PRTG: variants seen among roughly 807,000 people sequenced by gnomAD.
PRTG encodes protogenin, also known as immunoglobulin superfamily, DCC subclass, member 5.
Under a neutral mutation model 122.5 loss-of-function variants are expected in PRTG, and 67 were observed. The observed-to-expected ratio is 0.55, with a 90% CI of 0.45 to 0.67. The LOEUF (loss-of-function observed/expected upper bound fraction) is 0.67. Among genes scored for constraint, PRTG ranks in the 30% least tolerant of loss-of-function variants. PRTG has a pLI of 0.00. For missense variants in PRTG, 1,435 were observed against 1,415.4 expected (o/e 1.01, Z -0.22); for synonymous variants, 554 against 501.1 (o/e 1.11, Z -1.41).
At chr15:55,741,050 A>G (rs1567123378) in intron 1 of PRTG, among the ~76,000 whole-genome samples, 1 of 152,242 alleles carries the variant, frequency 6.6e-6, no homozygotes, top group African/African-American at 2.4e-5. Context: ...AAGTCGTAAA[A>G]GTCTAATTTT....
In PRTG at chr15:55,673,556, A is replaced by T. The variant is rs376260144; in HGVS notation, c.1667T>A (p.Phe556Tyr). Reference protein sequence around the residue: ...RGQVVLYRLSFRLSTENSIQV... With the variant: ...RGQVVLYRLSYRLSTENSIQV... ...GATTGAATTCTCAGTACTTAGGCGG[A>T]AAGACAAGCGATACAGCACCACTTG... The change falls in exon 10 of 20, where the codon TTC becomes TAC. Residue 556 changes from phenylalanine (F) to tyrosine (Y), a missense_variant. Transcript: ENST00000389286. 1 of 1,614,080 alleles carries T rather than the reference A, an allele frequency of 6.2e-7. No homozygotes were observed. The highest frequency in any genetic ancestry group is 1.3e-5 in the African/African-American group (1 of 74,934).
rs2059531878 is a variant in PRTG at position 55,680,505 on chromosome 15, G to C, written c.800C>G (p.Ser267Cys). The change falls in exon 5 of 20, where the codon TCT becomes TGT. Residue 267 changes from serine to cysteine, a missense_variant. Coordinates refer to ENST00000389286, the MANE Select transcript of PRTG (RefSeq NM_173814.6). Reference protein sequence around the residue: ...MATGNPKPIISWSRLDHKSID... With the variant: ...MATGNPKPIICWSRLDHKSID... ...AGAAGACTTACCAAGGCGGCTCCAA[G>C]AAATGATTGGTTTGGGATTTCCTGT... The C allele has an allele frequency of 6.3e-7, 1 of 1,590,942 alleles. No individual in the cohort carries two copies. The highest frequency in any genetic ancestry group is 1.4e-5 in the African/African-American group (1 of 73,886).
intron 2 of PRTG, among the ~76,000 whole-genome samples, chr15:55,706,085 C>T (rs1259315213): frequency 1.4e-5 from 2 of 142,260 alleles, no homozygotes; most frequent in African/African-American, 5.2e-5. Context: ...TGGTCTCAAT[C>T]TCCTGACCTC....
intron 11 of PRTG, among the ~76,000 whole-genome samples, chr15:55,649,044 C>T (rs1027570852): frequency 6.6e-6 from 1 of 151,658 alleles, no homozygotes; most frequent in African/African-American, 2.4e-5. Context: ...TTGCAGAGAC[C>T]CGAGATCACG....
intron 2 of PRTG, among the ~76,000 whole-genome samples, chr15:55,733,162 T>C (rs1481153212): frequency 1.3e-5 from 2 of 152,008 alleles, no homozygotes; most frequent in South Asian, 2.1e-4. Flanking sequence ...TGAGCCGAGA[T>C]TGCGCCACTG....
intron 2 of PRTG, among the ~76,000 whole-genome samples, chr15:55,715,412 G>A (rs1209199299): frequency 6.6e-6 from 1 of 152,150 alleles, no homozygotes; most frequent in Non-Finnish European, 1.5e-5. Context: ...TAGACTATTA[G>A]GAATACTCTT....
At chr15:55,660,809 G>A (rs992472349) in intron 11 of PRTG, among the ~76,000 whole-genome samples, 1 of 152,084 alleles carries the variant, frequency 6.6e-6, no homozygotes, top group Admixed American at 6.6e-5. Context: ...AATACAAAGT[G>A]CTATAAAAAT....
At position 55,617,092 on chromosome 15, in the gene PRTG, T is replaced by C. The variant is rs916847167; in HGVS notation, c.*2920A>G. 11 of 152,060 alleles carry C rather than the reference T, an allele frequency of 7.2e-5. No individual in the cohort carries two copies. The highest frequency in any genetic ancestry group is 1.7e-4 in the African/African-American group (7 of 41,420). 9.4% of individuals were successfully genotyped at this position (152,060 alleles called of 1,614,324 possible). Reference sequence around the variant, plus strand: ...AAGTAATACCACTATGAAAAATGAGTGAAAATCTTCACATTTTAATTACAA... The same window carrying C: ...AAGTAATACCACTATGAAAAATGAGCGAAAATCTTCACATTTTAATTACAA... On this transcript the variant is annotated 3_prime_UTR_variant, in exon 20 of 20. Coordinates refer to ENST00000389286, the MANE Select transcript of PRTG (RefSeq NM_173814.6).
At chr15:55,648,858 GGA>G (rs2059338091) in intron 11 of PRTG, among the ~76,000 whole-genome samples, 1 of 152,076 alleles carries the variant, frequency 6.6e-6, no homozygotes, top group Non-Finnish European at 1.5e-5. Context: ...CAGCACTTTG[GGA>G]GGCCAAGGCG....
chr15:55,717,074 T>C (rs1057188863), intron 2 of PRTG, among the ~76,000 whole-genome samples: 3 of 152,214 alleles, frequency 2.0e-5, no homozygotes, highest in Non-Finnish European at 2.9e-5. Flanking sequence ...AGCTGACTAA[T>C]AGAAACTTCC....
At chr15:55,650,103 A>G (rs1365390195) in intron 11 of PRTG, among the ~76,000 whole-genome samples, 1 of 152,166 alleles carries the variant, frequency 6.6e-6, no homozygotes, top group Non-Finnish European at 1.5e-5. Context: ...TTGGATATAA[A>G]TCTTAGATTA....
At chr15:55,693,452 G>A (rs1325299609) in intron 2 of PRTG, among the ~76,000 whole-genome samples, 8 of 149,292 alleles carry the variant, frequency 5.4e-5, no homozygotes, top group African/African-American at 1.5e-4. Context: ...GTATAACTCC[G>A]TCTCAGAAAA....
intron 13 of PRTG, among the ~76,000 whole-genome samples, chr15:55,638,908 G>A (rs142368109): frequency 7.9e-5 from 12 of 152,220 alleles, no homozygotes; most frequent in East Asian, 1.9e-4. Context: ...CAGTAAACTC[G>A]AAATGTCCCA....
chr15:55,715,005 T>C (rs1279691199), intron 2 of PRTG, among the ~76,000 whole-genome samples: 5 of 152,214 alleles, frequency 3.3e-5, no homozygotes, highest in African/African-American at 1.2e-4. Context: ...TCAGAAAATA[T>C]AATAAATTAC....
At chr15:55,643,988 C>G (rs921394452) in intron 11 of PRTG, among the ~76,000 whole-genome samples, 3 of 151,368 alleles carry the variant, frequency 2.0e-5, no homozygotes, top group African/African-American at 7.3e-5. Context: ...CCTTAGCCCC[C>G]CAAGTAGCTG....
intron 8 of PRTG, 43 bp downstream of exon 8, chr15:55,677,754 T>TA: frequency 6.3e-7 from 1 of 1,588,620 alleles, no homozygotes; most frequent in South Asian, 1.1e-5. Context: ...AAATCCTTGA[T>TA]AGCAAGGAGT....
chr15:55,741,547 C>T (rs1030256365), intron 1 of PRTG, among the ~76,000 whole-genome samples: 2 of 152,180 alleles, frequency 1.3e-5, no homozygotes, highest in East Asian at 3.9e-4. Context: ...ATAAAGCATT[C>T]GATGACCATA....
intron 11 of PRTG, among the ~76,000 whole-genome samples, chr15:55,643,474 C>T (rs561150979): frequency 1.3e-5 from 2 of 152,296 alleles, no homozygotes; most frequent in Admixed American, 1.3e-4. Flanking sequence ...TACTCTGTTG[C>T]CCAGGCTGGA....
chr15:55,679,944 T>C, intron 6 of PRTG, 110 bp downstream of exon 6: 6 of 779,832 alleles, frequency 7.7e-6, no homozygotes, highest in Non-Finnish European at 6.1e-6. Flanking sequence ...TTGATTACAA[T>C]ACTTCATATC....
Sources: allele counts gnomAD v4.1 joint callset (sites outside exome capture counted in the v4.1 genomes callset), GRCh38; gene constraint gnomAD v4.1.1; transcripts MANE v1.5; gene names NCBI Gene and HGNC (gene_info 2026-07-23, HGNC 2026-07-21).